Variants in UBE3D observed in about 807,000 individuals in gnomAD.
The protein encoded by UBE3D is E3 ubiquitin-protein ligase E3D.
Under a neutral mutation model 49.6 loss-of-function variants are expected in UBE3D, and 48 were observed. That is an observed-to-expected ratio of 0.97 (90% CI 0.77 to 1.23). The LOEUF is 1.23. UBE3D is among the 50% of genes most tolerant of loss of function. The pLI, the probability that UBE3D is intolerant of heterozygous loss-of-function variation, is 0.00. For synonymous variants in UBE3D, 189 were observed against 174.2 expected (o/e 1.08, Z -0.67); for missense variants, 452 against 468.4 (o/e 0.96, Z 0.32).
At chr6:82,939,802 T>C (rs1018783174) in intron 9 of UBE3D, among the ~76,000 whole-genome samples, 4 of 152,218 alleles carry the variant, frequency 2.6e-5, no homozygotes, top group African/African-American at 9.6e-5. Context: ...TACATGACGG[T>C]ATTTCCTTTA....
At chr6:83,055,695 C>T (rs573146240) in intron 2 of UBE3D, among the ~76,000 whole-genome samples, 3 of 152,202 alleles carry the variant, frequency 2.0e-5, no homozygotes, top group Non-Finnish European at 2.9e-5. Flanking sequence ...AGTTCCACAC[C>T]GAGGGTCACA....
chr6:82,975,717 T>A (rs1266565112), intron 8 of UBE3D, among the ~76,000 whole-genome samples: 1 of 152,176 alleles, frequency 6.6e-6, no homozygotes, highest in Non-Finnish European at 1.5e-5. Context: ...AGATAATTTT[T>A]AAAAAACTAA....
At chr6:82,975,052 T>C (rs896547540) in intron 8 of UBE3D, among the ~76,000 whole-genome samples, 3 of 152,172 alleles carry the variant, frequency 2.0e-5, no homozygotes, top group African/African-American at 7.2e-5. Context: ...ATTTTGATAA[T>C]GATATCTAAA....
At chr6:82,943,180 C>T (rs1054251614) in intron 9 of UBE3D, among the ~76,000 whole-genome samples, 2 of 152,182 alleles carry the variant, frequency 1.3e-5, no homozygotes, top group African/African-American at 4.8e-5. Flanking sequence ...TTTGTTTTGG[C>T]CAATTTCTCC....
intron 9 of UBE3D, among the ~76,000 whole-genome samples, chr6:82,903,106 C>T (rs1486996642): frequency 6.6e-6 from 1 of 151,980 alleles, no homozygotes; most frequent in Non-Finnish European, 1.5e-5. Flanking sequence ...CGAAGGAATC[C>T]ATAATCCAAT....
At chr6:82,942,764 C>T (rs1405002637) in intron 9 of UBE3D, among the ~76,000 whole-genome samples, 1 of 152,224 alleles carries the variant, frequency 6.6e-6, no homozygotes, top group Admixed American at 6.5e-5. Flanking sequence ...GCCTGGATGT[C>T]CAGGCAGAGG....
chr6:82,946,656 A>G (rs1775424747), intron 9 of UBE3D, among the ~76,000 whole-genome samples: 2 of 152,166 alleles, frequency 1.3e-5, no homozygotes, highest in Admixed American at 1.3e-4. Context: ...TCTTAAGTAG[A>G]AAGACTAAAA....
At chr6:83,052,610 C>A (rs913529423) in intron 3 of UBE3D, among the ~76,000 whole-genome samples, 2 of 152,048 alleles carry the variant, frequency 1.3e-5, no homozygotes, top group Non-Finnish European at 2.9e-5. Context: ...ACATTGATCA[C>A]CAGAGCTGTG....
chr6:83,047,153 C>T (rs1010278946), intron 3 of UBE3D, among the ~76,000 whole-genome samples: 3 of 152,214 alleles, frequency 2.0e-5, no homozygotes, highest in African/African-American at 4.8e-5. Flanking sequence ...GGGTTAAAAA[C>T]CTTTTCCCTT....
rs1783913469 is a variant in UBE3D, at chr6:83,057,884, CTG to C, written c.214_215del (p.Gln72ValfsTer26). 1.2e-6 allele frequency: 2 copies of C among 1,614,086 alleles called. No homozygotes were observed. Among genetic ancestry groups the C allele is most frequent in the Non-Finnish European group, 1.7e-6 (2 of 1,180,046 alleles). ...GGTGCAGTCCATCTCCAACAACAAA[CTG>C]TAGCCCACGGCAAGAGGAAGGTACA... ...RLVPSSCRGL[Q>X]FVVGDGLHLR... On this transcript the variant is annotated frameshift_variant, in exon 2 of 10. Coordinates refer to ENST00000369747, the MANE Select transcript of UBE3D (RefSeq NM_198920.3). LOFTEE classifies it high-confidence loss of function.
intron 9 of UBE3D, among the ~76,000 whole-genome samples, chr6:82,922,446 G>T (rs1257892228): frequency 6.6e-6 from 1 of 152,000 alleles, no homozygotes; most frequent in Admixed American, 6.6e-5. Flanking sequence ...TGTAAAAGAG[G>T]AAACTCAGAA....
intron 9 of UBE3D, among the ~76,000 whole-genome samples, chr6:82,915,316 A>G (rs1462716010): frequency 6.6e-6 from 1 of 152,174 alleles, no homozygotes; most frequent in Non-Finnish European, 1.5e-5. Context: ...AAAAATAGTT[A>G]TAACAGCAGC....
intron 8 of UBE3D, among the ~76,000 whole-genome samples, chr6:82,966,151 C>T (rs2127697803): frequency 6.6e-6 from 1 of 152,172 alleles, no homozygotes; most frequent in South Asian, 2.1e-4. Context: ...AGGCATTCCT[C>T]ATCTGTATGC....
rs939648543 is a variant in UBE3D, at chr6:82,966,503, A to T, written c.1011-9053T>A. Among the ~76,000 whole-genome samples, 5 of 120,778 alleles carry T rather than the reference A, an allele frequency of 4.1e-5. 1 individual carries two copies. The highest frequency in any genetic ancestry group is 7.3e-5 in the African/African-American group (2 of 27,436). The allele number at this position is 120,778 out of a possible 152,430, so 79.2% of individuals were successfully genotyped here. A position where few individuals can be genotyped will look rare whatever the true frequency, so the allele number is the denominator to read the frequency against. On this transcript the variant is annotated intron_variant, in intron 8 of 9. Transcript: ENST00000369747. ...GTCTCTACTAAAAATACAAAAAATT[A>T]GCCGGGCGTAGTGGCGGGCGCCTGT...
chr6:83,025,898 A>G (rs1781425818), intron 5 of UBE3D, among the ~76,000 whole-genome samples: 1 of 151,192 alleles, frequency 6.6e-6, no homozygotes, highest in Admixed American at 6.6e-5. Flanking sequence ...AAAAAAAAAA[A>G]AAAAAAAGAA....
chr6:83,043,685 C>T (rs1393008394), intron 4 of UBE3D, among the ~76,000 whole-genome samples: 1 of 152,112 alleles, frequency 6.6e-6, no homozygotes, highest in Non-Finnish European at 1.5e-5. Context: ...GTTTTAGTTC[C>T]CACCAATAAT....
intron 3 of UBE3D, among the ~76,000 whole-genome samples, chr6:83,053,616 G>C (rs1783618330): frequency 6.6e-6 from 1 of 152,072 alleles, no homozygotes; most frequent in South Asian, 2.1e-4. Context: ...CATCTCAACA[G>C]GGCAATCACA....
chr6:83,024,147 T>C (rs945383735), intron 5 of UBE3D, 109 bp from the exon 6 acceptor site: 3 of 533,712 alleles, frequency 5.6e-6, no homozygotes, highest in Non-Finnish European at 6.4e-6. Context: ...AATATACTGG[T>C]AAAATTAATA....
At chr6:82,895,370 A>G (rs1364321963) in intron 9 of UBE3D, among the ~76,000 whole-genome samples, 1 of 152,172 alleles carries the variant, frequency 6.6e-6, no homozygotes, top group African/African-American at 2.4e-5. Context: ...GTGATTTTCA[A>G]CTTGAGGTGA....
Sources: gnomAD v4.1 joint callset for allele counts (sites outside exome capture counted in the v4.1 genomes callset) on GRCh38, gnomAD v4.1.1 for gene constraint, MANE v1.5 for transcripts, NCBI Gene and HGNC (gene_info 2026-07-23, HGNC 2026-07-21) for gene names.